The following CNBD2 variants were observed in gnomAD, a reference collection of about 807,000 sequenced individuals.
CNBD2 encodes cyclic nucleotide binding domain containing 2.
A neutral mutation model predicts 63.7 loss-of-function variants in CNBD2; 64 were observed. The ratio of observed to expected loss-of-function variants is 1.00; its 90% CI spans 0.82 to 1.24. CNBD2 has a LOEUF of 1.24. Ranked by LOEUF, CNBD2 falls within the 50% of genes most tolerant of loss-of-function variation. The pLI is 0.00. For synonymous variants in CNBD2, 229 were observed against 255.4 expected, an observed-to-expected ratio of 0.90 and a Z score of 0.99; for missense variants, 691 against 713.5, an observed-to-expected ratio of 0.97 and a Z score of 0.36.
chr20:35,990,334 T>C (rs2056728258), intron 7 of CNBD2, among the ~76,000 whole-genome samples: 1 of 152,190 alleles, frequency 6.6e-6, no homozygotes, highest in Non-Finnish European at 1.5e-5. Context: ...TAACAATATT[T>C]AAAAGCTATT....
At chr20:35,958,199 G>A (rs767981691), downstream of CNBD2, among the ~76,000 whole-genome samples, 5 of 152,146 alleles carry the variant, frequency 3.3e-5, no homozygotes, top group South Asian at 2.1e-4. Flanking sequence ...TTGGGAGGCC[G>A]AGGCAGGCGG....
chr20:35,957,451 G>A (rs1004939444), downstream of CNBD2, among the ~76,000 whole-genome samples: 1 of 152,012 alleles, frequency 6.6e-6, no homozygotes, highest in African/African-American at 2.4e-5. Context: ...AGCTGGGCTC[G>A]GTGGCTCATG....
downstream of CNBD2, among the ~76,000 whole-genome samples, chr20:35,955,761 T>C (rs1210179924): frequency 6.6e-6 from 1 of 152,106 alleles, no homozygotes; most frequent in Non-Finnish European, 1.5e-5. Context: ...GACTCACAAA[T>C]AGTTTTGTTT....
chr20:35,988,376 G>A (rs2056697971), intron 7 of CNBD2, among the ~76,000 whole-genome samples: 1 of 151,584 alleles, frequency 6.6e-6, no homozygotes, highest in South Asian at 2.1e-4. Flanking sequence ...TCGTCATACT[G>A]GCCAGGCTGG....
At chr20:35,990,221 G>C (rs189866195) in intron 7 of CNBD2, among the ~76,000 whole-genome samples, 1 of 152,336 alleles carries the variant, frequency 6.6e-6, no homozygotes, top group East Asian at 1.9e-4. Flanking sequence ...GGGCTTTGCT[G>C]ATTGTCTTAG....
chr20:36,022,974 G>GACAAAA (rs905865172), intron 10 of CNBD2, among the ~76,000 whole-genome samples: 2 of 152,104 alleles, frequency 1.3e-5, no homozygotes, highest in East Asian at 1.9e-4. Flanking sequence ...AGATTTGCTC[G>GACAAAA]ACAAAAACAA....
rs149194796 is a variant in CNBD2 at position 35,970,642 on chromosome 20, C to T, written c.51+1829C>T. Among the ~76,000 whole-genome samples, 37 of 152,292 alleles carry T rather than the reference C, an allele frequency of 2.4e-4. No individual in the cohort carries two copies. In the East Asian group the frequency reaches 5.6e-3, roughly 23 times the overall value. On this transcript the variant is annotated intron_variant, in intron 1 of 11. Transcript: ENST00000373973. ...CAAACTCCTGGTCTCAAGTGATCAG[C>T]CCACCTTGGCCTCCCAAAGTGCTAG... is the stretch of plus-strand genomic sequence containing the variant.
At position 35,972,746 on chromosome 20, in the gene CNBD2, C is replaced by T; in HGVS notation, c.169C>T (p.Pro57Ser). 2 of 1,614,068 alleles carry T rather than the reference C, an allele frequency of 1.2e-6. No homozygotes were observed. Among genetic ancestry groups the T allele is most frequent in the South Asian group, 1.1e-5 (1 of 91,080 alleles). ...QIIETAHWKH[P>S]IFSFWDKKMQ... ...CATTGAGACTGCTCACTGGAAGCACCCTATCTTCTCCTTCTGGGATGTAAG... is the reference window on the plus strand; with the variant it reads ...CATTGAGACTGCTCACTGGAAGCACTCTATCTTCTCCTTCTGGGATGTAAG... The change falls in exon 2 of 12, where the codon CCT becomes TCT. Residue 57 changes from proline (P) to serine (S), a missense_variant. Coordinates refer to ENST00000373973, the MANE Select transcript of CNBD2 (RefSeq NM_001365709.1).
chr20:35,965,170 TCTCC>T (rs930343480), upstream of CNBD2, among the ~76,000 whole-genome samples: 1 of 150,724 alleles, frequency 6.6e-6, no homozygotes, highest in African/African-American at 2.4e-5. Context: ...GAATCTTCTC[TCTCC>T]CTCTCTCTCT....
intron 9 of CNBD2, among the ~76,000 whole-genome samples, chr20:36,008,716 C>T (rs1288467125): frequency 6.6e-6 from 1 of 152,166 alleles, no homozygotes; most frequent in African/African-American, 2.4e-5. Context: ...CTCAGGGCCT[C>T]AGTAACCCAT....
chr20:36,003,154 C>T (rs1249136908), intron 8 of CNBD2, among the ~76,000 whole-genome samples: 1 of 151,894 alleles, frequency 6.6e-6, no homozygotes, highest in African/African-American at 2.4e-5. Context: ...TTATAATTTC[C>T]ACAACTCTAC....
At chr20:36,003,231 A>G (rs892071193) in intron 8 of CNBD2, among the ~76,000 whole-genome samples, 1 of 152,154 alleles carries the variant, frequency 6.6e-6, no homozygotes, top group South Asian at 2.1e-4. Context: ...CTTATGTACT[A>G]ATTCCATCAT....
At chr20:35,994,651 G>A (rs983962332) in intron 7 of CNBD2, among the ~76,000 whole-genome samples, 1 of 151,220 alleles carries the variant, frequency 6.6e-6, no homozygotes, top group African/African-American at 2.4e-5. Context: ...CACTTTGGGA[G>A]GTCGAGGCAG....
chr20:36,008,178 A>C, intron 8 of CNBD2, 119 bp from the exon 9 acceptor site: 1 of 777,570 alleles, frequency 1.3e-6, no homozygotes, highest in Non-Finnish European at 2.0e-6. Context: ...TTTTTTAAAA[A>C]ATTTCCCCAT....
chr20:35,954,646 G>A (rs185544487), upstream of CNBD2: 183 of 1,286,014 alleles, frequency 1.4e-4, no homozygotes, highest in Admixed American at 1.2e-3. Context: ...CCTTCCGAAT[G>A]GTGGCGCCTC....
intron 10 of CNBD2, among the ~76,000 whole-genome samples, chr20:36,021,541 G>T (rs1170251353): frequency 6.6e-6 from 1 of 152,216 alleles, no homozygotes; most frequent in Non-Finnish European, 1.5e-5. Context: ...TCCAGGATTA[G>T]TCCCAACCCC....
At chr20:36,018,637 C>G (rs2057167379) in intron 10 of CNBD2, among the ~76,000 whole-genome samples, 2 of 152,040 alleles carry the variant, frequency 1.3e-5, no homozygotes, top group African/African-American at 2.4e-5. Flanking sequence ...GGAGCTGGGT[C>G]AGCCCTGGGA....
In CNBD2 at chr20:35,995,171, T is replaced by G; in HGVS notation, c.970+19T>G. On this transcript the variant is annotated intron_variant, in intron 8 of 11. Transcript: ENST00000373973. ...CTGAGTGGTAAGCTGCCTTGGCCTG[T>G]CTGACAGCAGGGGGCGCCTGGGCCT... The G allele has an allele frequency of 6.5e-7, 1 of 1,547,508 alleles. No homozygotes were observed. The highest frequency in any genetic ancestry group is 8.8e-7 in the Non-Finnish European group (1 of 1,137,480).
chr20:35,962,010 C>T (rs576689876), intron 2 of CNBD2, among the ~76,000 whole-genome samples: 1 of 152,248 alleles, frequency 6.6e-6, no homozygotes, highest in East Asian at 1.9e-4. Context: ...AGGTGTAGCC[C>T]GCTTCTTTGG....
Sources: gnomAD v4.1 joint callset for allele counts (sites outside exome capture counted in the v4.1 genomes callset) on GRCh38, gnomAD v4.1.1 for gene constraint, MANE v1.5 for transcripts, NCBI Gene and HGNC (gene_info 2026-07-23, HGNC 2026-07-21) for gene names.